The following NDST4 variants were observed in gnomAD, a reference collection of about 807,000 sequenced individuals.
NDST4 encodes N-deacetylase and N-sulfotransferase 4.
Under a neutral mutation model 100.8 loss-of-function variants are expected in NDST4, and 63 were observed. The observed-to-expected ratio is 0.62, with a 90% CI of 0.51 to 0.77. The LOEUF (loss-of-function observed/expected upper bound fraction) is 0.77, where lower values mean the gene tolerates loss of function less well. Ranked by LOEUF, NDST4 falls within the 30% of genes least tolerant of loss-of-function variation. The pLI is 0.00. For missense variants in NDST4, 943 were observed against 1,018.4 expected (o/e 0.93, Z 1.01); for synonymous variants, 377 against 361.8 (o/e 1.04, Z -0.48).
chr4:114,998,613 T>C (rs1727216024), intron 2 of NDST4, among the ~76,000 whole-genome samples: 1 of 152,060 alleles, frequency 6.6e-6, no homozygotes, highest in African/African-American at 2.4e-5. Flanking sequence ...GCCTCATTGC[T>C]CTCAGATACA....
chr4:115,021,058 G>T (rs1435954917), intron 2 of NDST4, among the ~76,000 whole-genome samples: 1 of 151,874 alleles, frequency 6.6e-6, no homozygotes, highest in Non-Finnish European at 1.5e-5. Context: ...TCCCACTATT[G>T]GGTATTTACC....
Position 114,996,263 on chromosome 4 carries a change from C to T in NDST4, c.979-18989G>A, listed in dbSNP as rs185638951. ...TGGTTTTATAAGCGTCTGGTGTTTCCCCTGCTTGCACTCATTCTCTTTCCC... is the reference window on the plus strand; with the variant it reads ...TGGTTTTATAAGCGTCTGGTGTTTCTCCTGCTTGCACTCATTCTCTTTCCC... On this transcript the variant is annotated intron_variant, in intron 2 of 13. Transcript: ENST00000264363. Among the ~76,000 whole-genome samples, 3 of 152,086 alleles carry T rather than the reference C, an allele frequency of 2.0e-5. No individual in the cohort carries two copies. In the East Asian group the frequency reaches 5.8e-4, roughly 29 times the overall value.
intron 2 of NDST4, among the ~76,000 whole-genome samples, chr4:115,064,525 A>C (rs1423014039): frequency 1.3e-5 from 2 of 152,064 alleles, no homozygotes; most frequent in African/African-American, 4.8e-5. Context: ...AAGGAGAAAA[A>C]GGAGTTCCAA....
chr4:115,046,206 T>C (rs1051443145), intron 2 of NDST4, among the ~76,000 whole-genome samples: 1 of 152,150 alleles, frequency 6.6e-6, no homozygotes, highest in African/African-American at 2.4e-5. Flanking sequence ...TCCTTCTTCC[T>C]TGGCTTTTTG....
chr4:115,006,093 TAAAG>T (rs200440247), intron 2 of NDST4, among the ~76,000 whole-genome samples: 2,032 of 91,138 alleles, frequency 0.022, 45 homozygotes, highest in African/African-American at 0.079. Context: ...AGAAAAGAAA[TAAAG>T]AAAGAAAGAG....
intron 7 of NDST4, among the ~76,000 whole-genome samples, chr4:114,870,197 T>C (rs1168239725): frequency 6.6e-6 from 1 of 152,158 alleles, no homozygotes; most frequent in Non-Finnish European, 1.5e-5. Flanking sequence ...GAATTATTAG[T>C]AAAGCAATCC....
At chr4:115,101,810 T>G (rs545926186) in intron 1 of NDST4, among the ~76,000 whole-genome samples, 7 of 152,138 alleles carry the variant, frequency 4.6e-5, no homozygotes, top group African/African-American at 1.7e-4. Flanking sequence ...GAGGAATATA[T>G]GCTTATTAGC....
Position 115,076,956 on chromosome 4 carries a change from G to A in NDST4, c.81C>T (p.Val27=), listed in dbSNP as rs980225974. ...CAGAGTAGAGAAAATAGGCAGAAAT[G>A]ACAATGCTCACCAAGCAAAAGGTAG... The part of the protein sequence containing the change: ...LLATFCLVSI[V]ISAYFLYSGY... Residue 27 remains valine, a synonymous_variant, in exon 2 of 14, where the codon GTC becomes GTT. Coordinates refer to ENST00000264363, the MANE Select transcript of NDST4 (RefSeq NM_022569.3). 3 of 1,613,338 alleles carry A rather than the reference G, an allele frequency of 1.9e-6. No homozygotes were observed. Among genetic ancestry groups the A allele is most frequent in the South Asian group, 2.2e-5 (2 of 91,032 alleles).
At chr4:114,902,520 T>C (rs530349923) in intron 6 of NDST4, among the ~76,000 whole-genome samples, 2 of 152,198 alleles carry the variant, frequency 1.3e-5, no homozygotes, top group African/African-American at 4.8e-5. Context: ...TTTTTTGTAG[T>C]TTGAATATGA....
At chr4:115,003,281 C>T (rs1406970292) in intron 2 of NDST4, among the ~76,000 whole-genome samples, 1 of 152,106 alleles carries the variant, frequency 6.6e-6, no homozygotes, top group African/African-American at 2.4e-5. Context: ...TGTTTAAAAT[C>T]AAACAAAATT....
intron 7 of NDST4, among the ~76,000 whole-genome samples, chr4:114,867,918 T>C (rs964718078): frequency 5.9e-5 from 9 of 152,118 alleles, no homozygotes; most frequent in Non-Finnish European, 1.2e-4. Context: ...CAAATGCGTT[T>C]TGTGCTCTAC....
chr4:114,877,433 A>C (rs10019977), intron 6 of NDST4, among the ~76,000 whole-genome samples: 6,293 of 152,276 alleles, frequency 0.041, 413 homozygotes, highest in African/African-American at 0.14. Context: ...TAAGATAATA[A>C]GTACTTAAGA....
intron 4 of NDST4, among the ~76,000 whole-genome samples, chr4:114,956,669 A>G (rs981484985): frequency 2.0e-5 from 3 of 152,186 alleles, no homozygotes; most frequent in Non-Finnish European, 2.9e-5. Flanking sequence ...AAAGACAGTC[A>G]AAGAAGGCCA....
intron 1 of NDST4, among the ~76,000 whole-genome samples, chr4:115,096,532 C>T (rs1729624440): frequency 6.6e-6 from 1 of 152,010 alleles, no homozygotes; most frequent in South Asian, 2.1e-4. Context: ...AACACTTATT[C>T]CCTATGTGAG....
At chr4:115,086,383 T>C (rs1729410445) in intron 1 of NDST4, among the ~76,000 whole-genome samples, 1 of 152,126 alleles carries the variant, frequency 6.6e-6, no homozygotes, top group Non-Finnish European at 1.5e-5. Flanking sequence ...TATAATTTTC[T>C]GCAGAAATGA....
intron 7 of NDST4, among the ~76,000 whole-genome samples, chr4:114,860,225 T>C (rs1350177723): frequency 6.6e-6 from 1 of 152,240 alleles, no homozygotes. Flanking sequence ...TTTTAACTGG[T>C]ATCTCCATTT....
chr4:114,999,229 T>C (rs2620408), intron 2 of NDST4, among the ~76,000 whole-genome samples: 52,108 of 151,914 alleles, frequency 0.34, 9,063 homozygotes, highest in Middle Eastern at 0.49. Flanking sequence ...ATAGAACAGC[T>C]GTTATGAAGC....
chr4:114,935,289 A>G lies in NDST4; in HGVS notation c.1453T>C (p.Tyr485His). Residue 485 changes from tyrosine to histidine, a missense_variant, in exon 6 of 14, where the codon TAC becomes CAC. This residue lies in a region of NDST4 where 526 missense variants were observed against 634.1 expected (regional missense o/e 0.83). Coordinates refer to ENST00000264363, the MANE Select transcript of NDST4 (RefSeq NM_022569.3). ...TGGGGTCCTCCTGGATATTCTTTGTAGAAAATAGTGTGAGTGAACAACCCA... is the reference window on the plus strand; with the variant it reads ...TGGGGTCCTCCTGGATATTCTTTGTGGAAAATAGTGTGAGTGAACAACCCA... ...TCGLFTHTIF[Y>H]KEYPGGPQEL... 6.2e-7 allele frequency: 1 copy of G among 1,610,812 alleles called. No individual in the cohort carries two copies. Among genetic ancestry groups the G allele is most frequent in the Non-Finnish European group, 8.5e-7 (1 of 1,178,602 alleles).
intron 6 of NDST4, among the ~76,000 whole-genome samples, chr4:114,897,601 T>C (rs1724743421): frequency 1.3e-5 from 2 of 152,184 alleles, no homozygotes; most frequent in Non-Finnish European, 2.9e-5. Context: ...TCAAGCAGCA[T>C]GATTGCTGGG....
Sources: gnomAD v4.1 joint callset for allele counts (sites outside exome capture counted in the v4.1 genomes callset) on GRCh38, gnomAD v4.1.1 for gene constraint, gnomAD v4.1.1 regional missense constraint, MANE v1.5 for transcripts, NCBI Gene and HGNC (gene_info 2026-07-23, HGNC 2026-07-21) for gene names.